Variants in TF observed in about 807,000 individuals in gnomAD.
TF encodes the protein transferrin.
Under a neutral mutation model 82.4 loss-of-function variants are expected in TF, and 55 were observed. That is an observed-to-expected ratio of 0.67 (90% confidence interval 0.54 to 0.84). The LOEUF is 0.84. TF is among the 40% of genes least tolerant of loss of function. The pLI, the probability that TF is intolerant of heterozygous loss-of-function variation, is 0.00. For missense variants in TF, 737 were observed against 868.4 expected, an observed-to-expected ratio of 0.85 and a Z score of 1.90; for synonymous variants, 332 against 332.6, an observed-to-expected ratio of 1.00 and a Z score of 0.02.
At position 133,785,332 on chromosome 3, in the gene TF, C is replaced by T. The variant is rs1934640992; in HGVS notation, c.*6712C>T. On this transcript the variant is annotated 3_prime_UTR_variant, in exon 17 of 17. Coordinates refer to ENST00000402696, the MANE Select transcript of TF (RefSeq NM_001063.4). Reference sequence around the variant, plus strand: ...CGGCCCCCCGCCCGACCAGCCGCCCCATCCGGGAGGGAGGTGGGGGGGTCA... The same window carrying T: ...CGGCCCCCCGCCCGACCAGCCGCCCTATCCGGGAGGGAGGTGGGGGGGTCA... 3.6e-5 allele frequency: 4 copies of T among 112,226 alleles called. No homozygotes were observed. Among genetic ancestry groups the T allele is most frequent in the East Asian group, 3.2e-4 (1 of 3,164 alleles). 7.0% of individuals were successfully genotyped at this position (112,226 alleles called of 1,614,324 possible).
chr3:133,786,976 C>A lies in TF; in HGVS notation c.*8356C>A, dbSNP rs990633434. 1 of 152,182 alleles carries A rather than the reference C, an allele frequency of 6.6e-6. No individual in the cohort carries two copies. Among genetic ancestry groups the A allele is most frequent in the Non-Finnish European group, 1.5e-5 (1 of 68,030 alleles). The allele number at this position is 152,182 out of a possible 1,614,324, so 9.4% of individuals were successfully genotyped here. A position where few individuals can be genotyped will look rare whatever the true frequency, so the allele number is the denominator to read the frequency against. On this transcript the variant is annotated 3_prime_UTR_variant, in exon 17 of 17. Coordinates refer to ENST00000402696, the MANE Select transcript of TF (RefSeq NM_001063.4). ...TTTGGAAGTGGAATTGTGAAGCCACCTCTGTAAGCAGTATAGTACTGTCTA... is the reference window on the plus strand; with the variant it reads ...TTTGGAAGTGGAATTGTGAAGCCACATCTGTAAGCAGTATAGTACTGTCTA...
chr3:133,778,272 G>T (rs559923109), intron 16 of TF: 3 of 350,598 alleles, frequency 8.6e-6, no homozygotes, highest in East Asian at 7.0e-5. Context: ...AAGAGGTCAG[G>T]GAGGACAGTC....
At chr3:133,761,274 T>C in intron 9 of TF, 1 of 200,952 alleles carries the variant, frequency 5.0e-6, no homozygotes. Context: ...CTGTGGCCCA[T>C]GTTCTAGAAT....
At chr3:133,676,790 T>C in the TF span, among the ~76,000 whole-genome samples, 2 of 152,222 alleles carry the variant, frequency 1.3e-5, no homozygotes, top group Non-Finnish European at 2.9e-5. Context: ...GGGCTTCTGC[T>C]ATTCTTCCTC....
chr3:133,674,313 T>C, the TF span, among the ~76,000 whole-genome samples: 2 of 152,202 alleles, frequency 1.3e-5, no homozygotes, highest in Non-Finnish European at 2.9e-5. Context: ...GCCAGACTAG[T>C]GCGCTCCGAA....
chr3:133,671,581 C>T, the TF span, among the ~76,000 whole-genome samples: 3 of 151,700 alleles, frequency 2.0e-5, no homozygotes, highest in Admixed American at 1.3e-4. Flanking sequence ...GCCAGGAGTT[C>T]GAGACTGGCC....
At chr3:133,737,385 C>A in the TF span, among the ~76,000 whole-genome samples, 1 of 152,020 alleles carries the variant, frequency 6.6e-6, no homozygotes, top group Admixed American at 6.5e-5. Context: ...AATTGACACT[C>A]TAACATCACA....
Position 133,792,603 on chromosome 3 carries a change from G to C in TF, c.*13983G>C, listed in dbSNP as rs895863477. ...TTTCACCAAAAGTAAAACTCGCTAA[G>C]AGTTAACATTGTAACATGTAAGTGA... is the stretch of plus-strand genomic sequence containing the variant. On this transcript the variant is annotated 3_prime_UTR_variant, in exon 17 of 17. Transcript: ENST00000402696. 2 of 152,148 alleles carry C rather than the reference G, an allele frequency of 1.3e-5. No homozygotes were observed. The highest frequency in any genetic ancestry group is 4.1e-4 in the South Asian group (2 of 4,828). 9.4% of individuals were successfully genotyped at this position (152,148 alleles called of 1,614,324 possible).
chr3:133,675,868 CCA>C, the TF span, among the ~76,000 whole-genome samples: 1 of 152,098 alleles, frequency 6.6e-6, no homozygotes, highest in Non-Finnish European at 1.5e-5. Context: ...TGAGGAGTTG[CCA>C]CAGAGACTAA....
rs1260597294 is a variant in TF at position 133,777,128 on chromosome 3, G to A, written c.1952G>A (p.Arg651Lys). The change falls in exon 16 of 17, where the codon AGA becomes AAA. Residue 651 changes from arginine to lysine, a missense_variant. Transcript: ENST00000402696. ...TCGGAAACCAAGGACCTTCTGTTCA[G>A]AGATGACACAGTATGTTTGGCCAAA... ...FRSETKDLLFRDDTVCLAKLH... is the reference protein window; with the variant it reads ...FRSETKDLLFKDDTVCLAKLH... The A allele has an allele frequency of 6.2e-7, 1 of 1,614,084 alleles. No homozygotes were observed. The highest frequency in any genetic ancestry group is 2.2e-5 in the East Asian group (1 of 44,902).
rs1934517316 is a variant in TF, at chr3:133,781,596, A to AAATTAATTAATCAATTTACAATTAATT, written c.*2983_*2984insTAATCAATTTACAATTAATTAATTAAT. 1 of 152,164 alleles carries AAATTAATTAATCAATTTACAATTAATT rather than the reference A, an allele frequency of 6.6e-6. No individual in the cohort carries two copies. The highest frequency in any genetic ancestry group is 2.4e-5 in the African/African-American group (1 of 41,460). The allele number at this position is 152,164 out of a possible 1,614,324, so 9.4% of individuals were successfully genotyped here. ...TATTGTAAAGATGTCAATTCTCCCT[A>AAATTAATTAATCAATTTACAATTAATT]AATTAATCAATATACAATTTTTTAA... On this transcript the variant is annotated 3_prime_UTR_variant, in exon 17 of 17. Coordinates refer to ENST00000402696, the MANE Select transcript of TF (RefSeq NM_001063.4).
intron 12 of TF, among the ~76,000 whole-genome samples, chr3:133,767,127 C>T (rs867697785): frequency 6.6e-6 from 1 of 152,166 alleles, no homozygotes; most frequent in Admixed American, 6.5e-5. Flanking sequence ...TCCCGGGTCT[C>T]TTCATGGTGT....
chr3:133,702,647 TTTTA>T, the TF span, among the ~76,000 whole-genome samples: 1 of 151,878 alleles, frequency 6.6e-6, no homozygotes, highest in Admixed American at 6.6e-5. Context: ...ATTTTATTTA[TTTTA>T]TTTATTATGA....
the TF span, among the ~76,000 whole-genome samples, chr3:133,671,601 T>C: frequency 6.6e-6 from 1 of 151,652 alleles, no homozygotes; most frequent in Non-Finnish European, 1.5e-5. Flanking sequence ...CTGAACAATA[T>C]GGTGAAACTC....
At chr3:133,753,733 G>A in intron 3 of TF, 30 bp downstream of exon 3, 1 of 1,550,722 alleles carries the variant, frequency 6.4e-7, no homozygotes, top group Non-Finnish European at 8.9e-7. Flanking sequence ...CCAGGAAGGA[G>A]TTGTCATCCT....
chr3:133,675,100 C>T, the TF span, among the ~76,000 whole-genome samples: 3 of 151,802 alleles, frequency 2.0e-5, no homozygotes. Context: ...CAAAAATTAG[C>T]CGGGTGTGGT....
chr3:133,756,513 G>A (rs1032310993), intron 6 of TF, among the ~76,000 whole-genome samples, 176 bp downstream of exon 6: 1 of 152,074 alleles, frequency 6.6e-6, no homozygotes, highest in Admixed American at 6.5e-5. Flanking sequence ...CTGGATTCCT[G>A]GGCCTCTTTC....
intron 14 of TF, among the ~76,000 whole-genome samples, chr3:133,772,262 T>C (rs1157893959): frequency 1.3e-5 from 2 of 152,222 alleles, no homozygotes; most frequent in Non-Finnish European, 2.9e-5. Context: ...ATTATTGCTT[T>C]TTCCTTTAAG....
intron 16 of TF, chr3:133,778,214 C>A: frequency 3.6e-6 from 1 of 276,600 alleles, no homozygotes; most frequent in Non-Finnish European, 7.1e-6. Context: ...AGCACAGAAA[C>A]TGGCACATTG....
Sources: gnomAD v4.1 joint callset for allele counts (sites outside exome capture counted in the v4.1 genomes callset) on GRCh38, gnomAD v4.1.1 for gene constraint, MANE v1.5 for transcripts, NCBI Gene and HGNC (gene_info 2026-07-23, HGNC 2026-07-21) for gene names.